KLHL4: variants seen among roughly 807,000 people sequenced by gnomAD.
The protein encoded by KLHL4 is kelch like family member 4, also known as kelch-like protein 4.
KLHL4 carries 17 observed loss-of-function variants against 45.8 expected under a neutral mutation model. The ratio of observed to expected loss-of-function variants is 0.37; its 90% CI spans 0.25 to 0.56. KLHL4 has a LOEUF of 0.56. KLHL4 is among the 20% of genes least tolerant of loss of function. The probability of loss-of-function intolerance (pLI) is 0.79; values close to 1 mark genes in which losing one functional copy is unlikely to be tolerated. For synonymous variants in KLHL4, 224 were observed against 189.9 expected (o/e 1.18, Z -1.47); for missense variants, 544 against 544.9 (o/e 1.00, Z 0.02).
intron 1 of KLHL4, among the ~76,000 whole-genome samples, chrX:87,569,974 A>G (rs1367749421): frequency 9.0e-6 from 1 of 111,481 alleles, no homozygotes; most frequent in African/African-American, 3.2e-5. Context: ...AAAGTGCTGA[A>G]TTTCATGTTG....
chrX:87,527,641 C>G (rs867920772), intron 1 of KLHL4, among the ~76,000 whole-genome samples: 1 of 109,955 alleles, frequency 9.1e-6, no homozygotes, highest in Middle Eastern at 4.6e-3. Flanking sequence ...TTTCCACCCC[C>G]ACACATCCAG....
chrX:87,581,611 C>A (rs963194501), intron 1 of KLHL4, among the ~76,000 whole-genome samples: 1 of 112,132 alleles, frequency 8.9e-6, no homozygotes, highest in African/African-American at 3.2e-5. Flanking sequence ...AGACCCACTG[C>A]GGACTGCAGC....
chrX:87,597,121 T>C (rs1317311297), intron 1 of KLHL4, among the ~76,000 whole-genome samples: 1 of 111,956 alleles, frequency 8.9e-6, no homozygotes, highest in Non-Finnish European at 1.9e-5. Context: ...GTTTACATAA[T>C]CATTCTGCAC....
chrX:87,594,601 A>G (rs1195257631), intron 1 of KLHL4, among the ~76,000 whole-genome samples: 1 of 111,197 alleles, frequency 9.0e-6, no homozygotes, highest in African/African-American at 3.3e-5. Context: ...CACTTTTACT[A>G]TGGGTTTTCA....
Position 87,620,383 on chromosome X carries a change from T to G in KLHL4, c.925-1828T>G, listed in dbSNP as rs182260792. Among the ~76,000 whole-genome samples the G allele has an allele frequency of 5.2e-3, 582 of 111,927 alleles. 4 individuals carry two copies. Among genetic ancestry groups the G allele is most frequent in the African/African-American group, 0.018 (555 of 30,901 alleles). On this transcript the variant is annotated intron_variant, in intron 4 of 10. Coordinates refer to ENST00000373119, the MANE Select transcript of KLHL4 (RefSeq NM_019117.5). The stretch of plus-strand genomic sequence containing the variant: ...GTACTGGATACTGCAATGTAATATA[T>G]AGATACTTTAAAATTACACTTATTC...
chrX:87,524,603 A>C (rs764786174), intron 1 of KLHL4, among the ~76,000 whole-genome samples: 2 of 111,562 alleles, frequency 1.8e-5, no homozygotes, highest in Non-Finnish European at 3.8e-5. Flanking sequence ...GTATTATCAA[A>C]AAAGAAAATC....
chrX:87,537,376 C>T (rs1040469762), intron 1 of KLHL4, among the ~76,000 whole-genome samples: 6 of 110,833 alleles, frequency 5.4e-5, no homozygotes, highest in Non-Finnish European at 9.5e-5. Context: ...AGGTTTTCTT[C>T]AAATTATTTT....
At chrX:87,639,044 C>T (rs1923361799) in intron 9 of KLHL4, among the ~76,000 whole-genome samples, 1 of 111,375 alleles carries the variant, frequency 9.0e-6, no homozygotes, top group African/African-American at 3.3e-5. Context: ...GCAGGAATAG[C>T]TATTCTTATA....
At chrX:87,565,799 T>G (rs1044223575) in intron 1 of KLHL4, among the ~76,000 whole-genome samples, 1 of 108,543 alleles carries the variant, frequency 9.2e-6, no homozygotes, top group Admixed American at 9.9e-5. Context: ...TTTCCCAACA[T>G]TTTAGGTATC....
intron 4 of KLHL4, among the ~76,000 whole-genome samples, chrX:87,619,407 G>A (rs1235346736): frequency 1.8e-5 from 2 of 111,208 alleles, no homozygotes; most frequent in African/African-American, 3.3e-5. Flanking sequence ...AGTTTGAAAC[G>A]TATTCCTAAA....
At chrX:87,528,003 A>G (rs2147763384) in intron 1 of KLHL4, among the ~76,000 whole-genome samples, 1 of 111,150 alleles carries the variant, frequency 9.0e-6, no homozygotes, top group East Asian at 2.8e-4. Context: ...TGATGGTAAA[A>G]CTAAGACCTA....
chrX:87,638,161 A>T (rs769344784), intron 9 of KLHL4, among the ~76,000 whole-genome samples: 26 of 111,226 alleles, frequency 2.3e-4, no homozygotes, highest in Middle Eastern at 9.4e-3. Flanking sequence ...AAATTATTTT[A>T]AAAAAATGAA....
intron 6 of KLHL4, among the ~76,000 whole-genome samples, chrX:87,626,425 AT>A (rs199812060): frequency 3.6e-5 from 4 of 110,831 alleles, no homozygotes; most frequent in Admixed American, 9.7e-5. Flanking sequence ...GAGAATATGC[AT>A]TTTTTTCATA....
At chrX:87,590,262 CCTA>C (rs1193427773) in intron 1 of KLHL4, among the ~76,000 whole-genome samples, 6 of 110,028 alleles carry the variant, frequency 5.5e-5, no homozygotes, top group African/African-American at 2.0e-4. Context: ...AATATATACA[CCTA>C]CTATGTACCC....
intron 6 of KLHL4, 75 bp from the exon 7 acceptor site, chrX:87,632,135 A>G: frequency 1.6e-6 from 1 of 611,904 alleles, no homozygotes; most frequent in Non-Finnish European, 2.6e-6. Flanking sequence ...TGGGTACATA[A>G]TTATAATGTG....
At position 87,595,081 on chromosome X, in the gene KLHL4, A is replaced by G. The variant is rs187760521; in HGVS notation, c.423-18796A>G. Reference sequence around the variant, plus strand: ...CACGTGCACAACGTGCAGGTTTGTTACATATGTATACATGTGCCATGTTGG... The same window carrying G: ...CACGTGCACAACGTGCAGGTTTGTTGCATATGTATACATGTGCCATGTTGG... On this transcript the variant is annotated intron_variant, in intron 1 of 10. Coordinates refer to ENST00000373119, the MANE Select transcript of KLHL4 (RefSeq NM_019117.5). Among the ~76,000 whole-genome samples, 385 of 108,253 alleles carry G rather than the reference A, an allele frequency of 3.6e-3. 2 individuals are homozygous for G. Among genetic ancestry groups the G allele is most frequent in the African/African-American group, 0.012 (351 of 29,595 alleles). 94.0% of individuals were successfully genotyped at this position (108,253 alleles called of 115,157 possible). A position where few individuals can be genotyped will look rare whatever the true frequency, so the allele number is the denominator to read the frequency against.
intron 1 of KLHL4, among the ~76,000 whole-genome samples, chrX:87,529,568 A>C (rs189079864): frequency 9.9e-5 from 11 of 111,576 alleles, no homozygotes; most frequent in African/African-American, 3.6e-4. Context: ...TAGAGTCTTT[A>C]ATCTTGATCT....
In KLHL4 at chrX:87,517,825, AAAAC is replaced by A. The variant is rs1213420311; in HGVS notation, c.-66_-63del. On this transcript the variant is annotated 5_prime_UTR_variant, in exon 1 of 11. Transcript: ENST00000373119. Reference sequence around the variant, plus strand: ...TTGTTAGTTCTACAGAAGAGGCAGAAAAACAAGAGATAACAAAGGCTCCGTTTCC... The same window carrying A: ...TTGTTAGTTCTACAGAAGAGGCAGAAAAGAGATAACAAAGGCTCCGTTTCC... The A allele has an allele frequency of 1.5e-5, 16 of 1,089,312 alleles. No individual in the cohort carries two copies. Among genetic ancestry groups the A allele is most frequent in the Non-Finnish European group, 1.8e-5 (15 of 813,445 alleles). The allele number at this position is 1,089,312 out of a possible 1,213,427, so 89.8% of individuals were successfully genotyped here. A position where few individuals can be genotyped will look rare whatever the true frequency, so the allele number is the denominator to read the frequency against.
chrX:87,651,229 A>G (rs1923804612), intron 9 of KLHL4, among the ~76,000 whole-genome samples: 1 of 111,515 alleles, frequency 9.0e-6, no homozygotes, highest in Non-Finnish European at 1.9e-5. Context: ...CTCCCACAAC[A>G]TGTAGGAATC....
Sources: gnomAD v4.1 joint callset for allele counts (sites outside exome capture counted in the v4.1 genomes callset) on GRCh38, gnomAD v4.1.1 for gene constraint, MANE v1.5 for transcripts, NCBI Gene and HGNC (gene_info 2026-07-23, HGNC 2026-07-21) for gene names.